NUSAP1: variants seen among roughly 807,000 people sequenced by gnomAD.
The protein encoded by NUSAP1 is nucleolar and spindle associated protein 1, also known as nucleolar and spindle-associated protein 1.
NUSAP1 carries 32 observed loss-of-function variants against 52.8 expected under a neutral mutation model. That is an observed-to-expected ratio of 0.61 (90% CI 0.46 to 0.81). The LOEUF is 0.81. Among genes scored for constraint, NUSAP1 ranks in the 40% least tolerant of loss-of-function variants. The probability of loss-of-function intolerance (pLI) is 0.00; values close to 1 mark genes in which losing one functional copy is unlikely to be tolerated. For synonymous variants in NUSAP1, 195 were observed against 183.1 expected (o/e 1.06, Z -0.52); for missense variants, 499 against 522.3 (o/e 0.96, Z 0.43).
Position 41,349,215 on chromosome 15 carries a change from A to G in NUSAP1, c.280A>G (p.Thr94Ala). The G allele has an allele frequency of 6.2e-7, 1 of 1,613,934 alleles. No individual in the cohort carries two copies. The highest frequency in any genetic ancestry group is 2.2e-5 in the East Asian group (1 of 44,878). ...HVTKTRRRCKTVRVDPDSQQN... is the reference protein window; with the variant it reads ...HVTKTRRRCKAVRVDPDSQQN... ...CACCAAAACAAGGAGAAGGTGCAAG[A>G]CTGTCCGTGTGGACCCTGACTCACA... Residue 94 changes from threonine to alanine, a missense_variant, in exon 3 of 11, where the codon ACT (threonine) becomes GCT (alanine). Thr to Ala is a moderately conservative substitution (Grantham distance 58). Transcript: ENST00000559596.
intron 1 of NUSAP1, among the ~76,000 whole-genome samples, chr15:41,338,007 A>C (rs547233523): frequency 1.5e-5 from 2 of 135,096 alleles, no homozygotes; most frequent in Admixed American, 1.8e-4. Context: ...ATCTCGGCTC[A>C]CTGCAACCTC....
intron 7 of NUSAP1, 114 bp downstream of exon 7, chr15:41,365,703 T>C (rs2049375353): frequency 1.5e-6 from 1 of 671,316 alleles, no homozygotes; most frequent in East Asian, 3.3e-5. Flanking sequence ...TACATAGTGA[T>C]GTTTCTTTTC....
chr15:41,338,845 A>G (rs1012686747), intron 1 of NUSAP1, among the ~76,000 whole-genome samples: 2 of 151,984 alleles, frequency 1.3e-5, no homozygotes, highest in African/African-American at 4.8e-5. Context: ...TGTGCCTATA[A>G]TCCCAACTAC....
Position 41,371,755 on chromosome 15 carries a change from A to G in NUSAP1, c.1006+71A>G, listed in dbSNP as rs2049705460. 6 of 1,489,322 alleles carry G rather than the reference A, an allele frequency of 4.0e-6. No individual in the cohort carries two copies. The African/African-American group carries it at 5.8e-5, about 14-fold the overall frequency. 92.3% of individuals were successfully genotyped at this position (1,489,322 alleles called of 1,614,324 possible). A position where few individuals can be genotyped will look rare whatever the true frequency, so the allele number is the denominator to read the frequency against. On this transcript the variant is annotated intron_variant, in intron 8 of 10. Coordinates refer to ENST00000559596, the MANE Select transcript of NUSAP1 (RefSeq NM_016359.5). ...ATGTAACTTCCCAAAATGATTAGGT[A>G]TATCTGTTTTTTTTGTTTGTTTGTT...
chr15:41,334,396 G>A (rs2048042347), intron 1 of NUSAP1, among the ~76,000 whole-genome samples: 1 of 152,192 alleles, frequency 6.6e-6, no homozygotes, highest in Non-Finnish European at 1.5e-5. Flanking sequence ...GATTACAGGC[G>A]TGAGCCACCC....
chr15:41,333,211 G>A (rs889375035), intron 1 of NUSAP1, among the ~76,000 whole-genome samples, 161 bp downstream of exon 1: 4 of 152,208 alleles, frequency 2.6e-5, no homozygotes, highest in Admixed American at 2.0e-4. Context: ...TTAGAACTCT[G>A]ATAAACGGAA....
intron 1 of NUSAP1, among the ~76,000 whole-genome samples, chr15:41,335,424 G>A (rs1013231897): frequency 1.4e-5 from 2 of 138,042 alleles, no homozygotes; most frequent in African/African-American, 2.6e-5. Flanking sequence ...ATATGTACTA[G>A]ATAAATATAC....
intron 1 of NUSAP1, among the ~76,000 whole-genome samples, chr15:41,337,891 G>A (rs1030574575): frequency 1.3e-5 from 2 of 149,936 alleles, no homozygotes; most frequent in Non-Finnish European, 3.0e-5. Flanking sequence ...TCTATCCCTC[G>A]GTGATCTTAT....
chr15:41,378,326 C>T (rs1383703245), intron 10 of NUSAP1, among the ~76,000 whole-genome samples: 1 of 152,192 alleles, frequency 6.6e-6, no homozygotes, highest in Non-Finnish European at 1.5e-5. Flanking sequence ...CCAGGACGGT[C>T]CTTAGAGGCT....
chr15:41,376,726 T>TAA (rs143983944), intron 9 of NUSAP1, among the ~76,000 whole-genome samples: 1 of 146,228 alleles, frequency 6.8e-6, no homozygotes, highest in East Asian at 2.0e-4. Flanking sequence ...AAATTTAAAT[T>TAA]AAAAAAAAAA....
chr15:41,345,022 G>C (rs1193588727), intron 2 of NUSAP1, among the ~76,000 whole-genome samples: 1 of 151,790 alleles, frequency 6.6e-6, no homozygotes, highest in Non-Finnish European at 1.5e-5. Context: ...TTTTTTTTGA[G>C]ACAGGGTCTC....
chr15:41,334,638 CT>C (rs1247817164), intron 1 of NUSAP1, among the ~76,000 whole-genome samples: 19 of 152,146 alleles, frequency 1.2e-4, no homozygotes, highest in African/African-American at 4.6e-4. Flanking sequence ...TTTTATCTAT[CT>C]TTGTCCCATT....
intron 5 of NUSAP1, among the ~76,000 whole-genome samples, chr15:41,357,739 C>T (rs1049710273): frequency 6.6e-6 from 1 of 152,142 alleles, no homozygotes; most frequent in Admixed American, 6.6e-5. Context: ...GCCACCATGA[C>T]CAGCCAAGTC....
intron 1 of NUSAP1, among the ~76,000 whole-genome samples, chr15:41,340,293 C>G (rs770881036): frequency 2.6e-5 from 4 of 152,140 alleles, no homozygotes; most frequent in Non-Finnish European, 5.9e-5. Flanking sequence ...TCATTCACAT[C>G]TCGGGAGGCC....
intron 9 of NUSAP1, among the ~76,000 whole-genome samples, chr15:41,376,331 A>G (rs2049933290): frequency 6.6e-6 from 1 of 150,550 alleles, no homozygotes; most frequent in South Asian, 2.1e-4. Flanking sequence ...CCTAGGAGGC[A>G]GAGGTTGCAG....
intron 8 of NUSAP1, among the ~76,000 whole-genome samples, chr15:41,372,613 T>C (rs1466177600): frequency 1.3e-5 from 2 of 152,212 alleles, no homozygotes; most frequent in African/African-American, 4.8e-5. Context: ...GTGCTTCCAG[T>C]GGCAGTGTAT....
intron 4 of NUSAP1, among the ~76,000 whole-genome samples, chr15:41,354,848 C>G (rs1202939092): frequency 1.3e-5 from 2 of 151,390 alleles, no homozygotes; most frequent in Admixed American, 1.3e-4. Flanking sequence ...GAAACCCTGT[C>G]TCTACTAAAA....
At position 41,363,327 on chromosome 15, in the gene NUSAP1, C is replaced by G. The variant is rs531617028; in HGVS notation, c.661-2075C>G. Among the ~76,000 whole-genome samples, 1,290 of 145,946 alleles carry G rather than the reference C, an allele frequency of 8.8e-3. 19 individuals carry two copies. The highest frequency in any genetic ancestry group is 0.026 in the African/African-American group (1,009 of 39,464). On this transcript the variant is annotated intron_variant, in intron 6 of 10. Transcript: ENST00000559596. ...AGATCTTGCCTGTCTGTGTGTGTGTCTCTCTCTCTCTCTATATATATATAC... is the reference window on the plus strand; with the variant it reads ...AGATCTTGCCTGTCTGTGTGTGTGTGTCTCTCTCTCTCTATATATATATAC...
Position 41,371,622 on chromosome 15 carries a change from CA to C in NUSAP1, c.948del (p.Gly317AlafsTer10). ...CATGTGACCGTGTCTGGGGGCACCC[CA>C]AAAGGCGAGGCTGTGCTTGGGACAC... is the stretch of plus-strand genomic sequence containing the variant. Reference protein sequence around the residue: ...SAHVTVSGGTPKGEAVLGTHK... With the variant: ...SAHVTVSGGTXKGEAVLGTHK... On this transcript the variant is annotated frameshift_variant, in exon 8 of 11. Coordinates refer to ENST00000559596, the MANE Select transcript of NUSAP1 (RefSeq NM_016359.5). LOFTEE classifies it high-confidence loss of function. 2 of 1,610,504 alleles carry C rather than the reference CA, an allele frequency of 1.2e-6. No homozygotes were observed. The highest frequency in any genetic ancestry group is 1.3e-5 in the African/African-American group (1 of 74,602).
Sources: allele counts gnomAD v4.1 joint callset (sites outside exome capture counted in the v4.1 genomes callset), GRCh38; gene constraint gnomAD v4.1.1; transcripts MANE v1.5; gene names NCBI Gene and HGNC (gene_info 2026-07-23, HGNC 2026-07-21).